Variants in LPIN1 observed in about 807,000 individuals in gnomAD.
The protein encoded by LPIN1 is phosphatidate phosphatase LPIN1.
A neutral mutation model predicts 107.5 loss-of-function variants in LPIN1; 71 were observed. That is an observed-to-expected ratio of 0.66 (90% CI 0.55 to 0.80). LPIN1 has a LOEUF of 0.80. Ranked by LOEUF, LPIN1 falls within the 30% of genes least tolerant of loss-of-function variation. The probability of loss-of-function intolerance (pLI) is 0.00; values close to 1 mark genes in which losing one functional copy is unlikely to be tolerated. For missense variants in LPIN1, 1,043 were observed against 1,160.6 expected, an observed-to-expected ratio of 0.90 and a Z score of 1.47; for synonymous variants, 445 against 452.6, an observed-to-expected ratio of 0.98 and a Z score of 0.21.
intron 6 of LPIN1, chr2:11,777,523 T>C (rs976115134): frequency 3.3e-5 from 5 of 152,120 alleles, no homozygotes; most frequent in African/African-American, 1.2e-4. Flanking sequence ...AGAGCAGAGG[T>C]TGGTAAAGCA....
At chr2:11,796,097 A>G (rs1261394384) in intron 14 of LPIN1, among the ~76,000 whole-genome samples, 4 of 152,226 alleles carry the variant, frequency 2.6e-5, no homozygotes, top group Non-Finnish European at 4.4e-5. Flanking sequence ...CTGACACTGA[A>G]TGATTTGCGC....
intron 1 of LPIN1, chr2:11,763,313 G>A (rs16857864): frequency 0.063 from 9,707 of 152,910 alleles, 1,022 homozygotes; most frequent in African/African-American, 0.22. Flanking sequence ...AGTCACGACC[G>A]CCGGTTAGCA....
At chr2:11,784,804 G>C (rs540597561) in intron 9 of LPIN1, 82 bp from the exon 10 acceptor site, 63 of 1,346,596 alleles carry the variant, frequency 4.7e-5, no homozygotes, top group Non-Finnish European at 6.3e-5. Flanking sequence ...GTGGCCGCGT[G>C]CCAGAGCATC....
At position 11,786,706 on chromosome 2, in the gene LPIN1, C is replaced by A. The variant is rs182994356; in HGVS notation, c.1550-368C>A. On this transcript the variant is annotated intron_variant, in intron 10 of 20. Transcript: ENST00000674199. This position sits in a 1 kb window ranked among gnomAD's most constrained non-coding sequence, Gnocchi z 4.1. ...GAGGTGAACCGCTTGCCCAGGGTTA[C>A]CCCCGTAATCGTGACTTCAGCCGAG... Among the ~76,000 whole-genome samples the A allele has an allele frequency of 6.6e-6, 1 of 152,208 alleles. No homozygotes were observed. Among genetic ancestry groups the A allele is most frequent in the Non-Finnish European group, 1.5e-5 (1 of 68,038 alleles).
intron 7 of LPIN1, among the ~76,000 whole-genome samples, chr2:11,780,485 A>T (rs1673403294): frequency 6.6e-6 from 1 of 152,232 alleles, no homozygotes; most frequent in Admixed American, 6.5e-5. Flanking sequence ...AGCCTAATAG[A>T]TAAACAAAGT....
intron 1 of LPIN1, among the ~76,000 whole-genome samples, chr2:11,686,745 G>A (rs1436409128): frequency 6.6e-6 from 1 of 152,112 alleles, no homozygotes; most frequent in Non-Finnish European, 1.5e-5. Context: ...TCCTATGTGA[G>A]GACCCATGAA....
chr2:11,735,518 G>A (rs769023582), intron 1 of LPIN1, among the ~76,000 whole-genome samples: 4 of 152,188 alleles, frequency 2.6e-5, no homozygotes, highest in Non-Finnish European at 5.9e-5. Context: ...TCCCTTTCCT[G>A]TGATAGCTTA....
At chr2:11,731,339 C>T (rs1202744513) in intron 1 of LPIN1, among the ~76,000 whole-genome samples, 2 of 151,656 alleles carry the variant, frequency 1.3e-5, no homozygotes, top group Admixed American at 6.6e-5. Context: ...GTTTTCTGTT[C>T]CCGTGTTAGT....
Position 11,691,099 on chromosome 2 carries a change from T to TTC in LPIN1, c.81+13371_81+13372insTC, listed in dbSNP as rs1553397757. On this transcript the variant is annotated intron_variant, in intron 1 of 21. Coordinates refer to the LPIN1 transcript ENST00000449576. The stretch of plus-strand genomic sequence containing the variant: ...TCTTGTTGTGGTTTTTTTTTTTTTT[T>TTC]CTCTCTCCTTTAATACCCCTCACAC... 2.1e-3 allele frequency among the ~76,000 whole-genome samples: 310 copies of TTC among 147,836 alleles called. 5 individuals are homozygous for TTC. The highest frequency in any genetic ancestry group is 7.2e-3 in the African/African-American group (280 of 38,652).
chr2:11,701,863 T>C (rs1315520606), intron 1 of LPIN1, among the ~76,000 whole-genome samples: 1 of 152,210 alleles, frequency 6.6e-6, no homozygotes, highest in Admixed American at 6.5e-5. Context: ...CCTTTCCTAC[T>C]GGCTGAGTGT....
intron 17 of LPIN1, among the ~76,000 whole-genome samples, chr2:11,812,953 G>A (rs571126861): frequency 1.8e-4 from 27 of 152,288 alleles, no homozygotes; most frequent in African/African-American, 6.3e-4. Flanking sequence ...GTGTGGCGTG[G>A]GGGCTGGGGG....
At chr2:11,822,143 G>A (rs1304065330) in intron 20 of LPIN1, among the ~76,000 whole-genome samples, 3 of 151,940 alleles carry the variant, frequency 2.0e-5, no homozygotes, top group Non-Finnish European at 2.9e-5. Flanking sequence ...CAGGAGAAAG[G>A]ATTTAGGCTG....
intron 1 of LPIN1, among the ~76,000 whole-genome samples, chr2:11,696,888 G>A (rs1007892330): frequency 1.3e-5 from 2 of 152,176 alleles, no homozygotes; most frequent in Admixed American, 1.3e-4. Flanking sequence ...CCCCTCCCTG[G>A]CTACGCCCAG....
intron 1 of LPIN1, among the ~76,000 whole-genome samples, chr2:11,757,852 A>G (rs1166206598): frequency 6.6e-6 from 1 of 152,186 alleles, no homozygotes; most frequent in African/African-American, 2.4e-5. Flanking sequence ...AAAATTTGCC[A>G]TTTTAACCAT....
intron 1 of LPIN1, among the ~76,000 whole-genome samples, chr2:11,694,024 G>A (rs1187504278): frequency 6.6e-6 from 1 of 150,786 alleles, no homozygotes; most frequent in African/African-American, 2.4e-5. Context: ...AGTAGAGGTG[G>A]GGTTTCACCA....
intron 11 of LPIN1, among the ~76,000 whole-genome samples, 183 bp from the exon 12 acceptor site, chr2:11,788,204 G>A (rs560229449): frequency 1.3e-5 from 2 of 152,266 alleles, no homozygotes; most frequent in Admixed American, 1.3e-4. Context: ...GGCCGCTGGG[G>A]TGAGGTGGGG....
chr2:11,693,273 A>G (rs1014817488), intron 1 of LPIN1, among the ~76,000 whole-genome samples: 22 of 149,138 alleles, frequency 1.5e-4, no homozygotes, highest in Non-Finnish European at 3.2e-4. Context: ...AGCCTTGGGC[A>G]TGTTTAGCAA....
At chr2:11,725,028 G>C (rs11900114) in intron 1 of LPIN1, among the ~76,000 whole-genome samples, 1 of 152,058 alleles carries the variant, frequency 6.6e-6, no homozygotes, top group South Asian at 2.1e-4. Flanking sequence ...TAGGGAGGCC[G>C]AGGCGGGCGG....
intron 1 of LPIN1, among the ~76,000 whole-genome samples, chr2:11,749,930 T>C (rs1221577667): frequency 6.6e-6 from 1 of 152,256 alleles, no homozygotes; most frequent in African/African-American, 2.4e-5. Flanking sequence ...GAAATAGCCA[T>C]AGGCTGTTAG....
Sources: allele counts gnomAD v4.1 joint callset (sites outside exome capture counted in the v4.1 genomes callset), GRCh38; gene constraint gnomAD v4.1.1; non-coding constraint Gnocchi (gnomAD v3.1); transcripts MANE v1.5; gene names NCBI Gene and HGNC (gene_info 2026-07-23, HGNC 2026-07-21).